The following GAS7 variants were observed in gnomAD, a reference collection of about 807,000 sequenced individuals.
GAS7 encodes growth arrest-specific protein 7.
GAS7 carries 28 observed loss-of-function variants against 71.1 expected under a neutral mutation model. The ratio of observed to expected loss-of-function variants is 0.39; its 90% CI spans 0.29 to 0.54. The LOEUF (loss-of-function observed/expected upper bound fraction) is 0.54. GAS7 is among the 20% of genes least tolerant of loss of function. The probability of loss-of-function intolerance (pLI) is 0.62; values close to 1 mark genes in which losing one functional copy is unlikely to be tolerated. For missense variants in GAS7, 436 were observed against 627.8 expected (o/e 0.69, Z 3.27); for synonymous variants, 258 against 245.8 (o/e 1.05, Z -0.46).
At chr17:9,936,951 C>T (rs2068422883) in intron 8 of GAS7, among the ~76,000 whole-genome samples, 1 of 152,238 alleles carries the variant, frequency 6.6e-6, no homozygotes, top group Non-Finnish European at 1.5e-5. Flanking sequence ...GCCTCTCCAG[C>T]CTCCCTGAGC....
intron 1 of GAS7, among the ~76,000 whole-genome samples, chr17:10,094,720 G>A (rs1597788374): frequency 6.6e-6 from 1 of 151,952 alleles, no homozygotes; most frequent in South Asian, 2.1e-4. Context: ...CGCCCGCCTC[G>A]GCCTCCCAAA....
rs2072190361 is a variant in GAS7 at position 10,019,796 on chromosome 17, A to G, written c.285T>C (p.Tyr95=). The change falls in exon 2 of 14, where the codon TAT becomes TAC. Residue 95 remains tyrosine (Y), a synonymous_variant. Coordinates refer to ENST00000432992, the MANE Select transcript of GAS7 (RefSeq NM_201433.2). The part of the protein sequence containing the change: ...SYLSPQGRRY[Y]VNTTTNETTW... ...ACTCACCATTGGTGGTCGTGTTGACATAGTACCGCCGGCCCTGAGGCGACA... is the reference window on the plus strand; with the variant it reads ...ACTCACCATTGGTGGTCGTGTTGACGTAGTACCGCCGGCCCTGAGGCGACA... 6.2e-7 allele frequency: 1 copy of G among 1,614,022 alleles called. No individual in the cohort carries two copies. Among genetic ancestry groups the G allele is most frequent in the Admixed American group, 1.7e-5 (1 of 60,010 alleles).
chr17:10,023,116 C>G (rs2072334619), intron 1 of GAS7, among the ~76,000 whole-genome samples: 6 of 152,234 alleles, frequency 3.9e-5, no homozygotes, highest in Admixed American at 3.9e-4. Flanking sequence ...CCGTGAAGGG[C>G]CATGAGATGC....
intron 5 of GAS7, among the ~76,000 whole-genome samples, chr17:9,949,316 G>C (rs1049749012): frequency 6.6e-6 from 1 of 152,240 alleles, no homozygotes; most frequent in Admixed American, 6.5e-5. Flanking sequence ...CTCGAGGGAA[G>C]CTGAAAATGG....
At chr17:9,986,550 G>A (rs901986091) in intron 2 of GAS7, among the ~76,000 whole-genome samples, 1 of 152,176 alleles carries the variant, frequency 6.6e-6, no homozygotes, top group Non-Finnish European at 1.5e-5. Context: ...TACCAGTACA[G>A]AGGCAATCAG....
chr17:10,105,495 T>C (rs1327024453), intron 1 of GAS7, among the ~76,000 whole-genome samples: 1 of 152,210 alleles, frequency 6.6e-6, no homozygotes, highest in Non-Finnish European at 1.5e-5. Context: ...CAGAAATTTC[T>C]ATTGGACTGT....
At chr17:10,164,848 G>GA (rs755151597) in intron 1 of GAS7, among the ~76,000 whole-genome samples, 14,514 of 106,010 alleles carry the variant, frequency 0.14, 1,022 homozygotes, top group Admixed American at 0.18. Flanking sequence ...ATGAAAAAAG[G>GA]AAAAAAAAAA....
chr17:10,057,405 C>T (rs1035654857), intron 1 of GAS7, among the ~76,000 whole-genome samples: 3 of 151,812 alleles, frequency 2.0e-5, no homozygotes, highest in East Asian at 1.9e-4. Flanking sequence ...TCTGCCCTGC[C>T]GCCCCGTCTG....
intron 1 of GAS7, among the ~76,000 whole-genome samples, chr17:10,064,364 T>C (rs1231021642): frequency 6.6e-6 from 1 of 152,188 alleles, no homozygotes; most frequent in African/African-American, 2.4e-5. Flanking sequence ...CTGTATGCTG[T>C]GTGGGCCTGC....
intron 1 of GAS7, among the ~76,000 whole-genome samples, chr17:10,173,447 G>C (rs931483008): frequency 1.3e-5 from 2 of 152,082 alleles, no homozygotes; most frequent in African/African-American, 4.8e-5. Flanking sequence ...CGAAATCAGG[G>C]ACCCGAGGAG....
rs1015039432 is a variant in GAS7, at chr17:9,974,656, G to C, written c.386-4894C>G. 6.6e-6 allele frequency among the ~76,000 whole-genome samples: 1 copy of C among 152,114 alleles called. No homozygotes were observed. The highest frequency in any genetic ancestry group is 1.5e-5 in the Non-Finnish European group (1 of 68,028). ...ACCCACACACTTCATTTCCCTTATA[G>C]GCAGTTAAGCAACTTGAGAGGGCTT... On this transcript the variant is annotated intron_variant, in intron 3 of 13. Transcript: ENST00000432992. The surrounding 1 kb of genome is among the most constrained non-coding windows in gnomAD (Gnocchi z 4.0).
intron 2 of GAS7, among the ~76,000 whole-genome samples, chr17:9,984,549 C>T (rs2070561210): frequency 6.6e-6 from 1 of 152,190 alleles, no homozygotes; most frequent in Admixed American, 6.5e-5. Flanking sequence ...CCAAGGGACC[C>T]ACTGGCTGGC....
intron 1 of GAS7, among the ~76,000 whole-genome samples, chr17:10,196,578 C>G (rs1237040945): frequency 2.0e-5 from 3 of 152,168 alleles, no homozygotes; most frequent in Non-Finnish European, 4.4e-5. Flanking sequence ...TCCATCGTCC[C>G]TTTCCCGGAA....
chr17:10,183,987 A>G (rs2074435149), intron 1 of GAS7, among the ~76,000 whole-genome samples: 1 of 152,090 alleles, frequency 6.6e-6, no homozygotes, highest in Non-Finnish European at 1.5e-5. Context: ...CGACCCTTGA[A>G]CGTTGTTGTC....
rs567668212 is a variant in GAS7 at position 10,059,915 on chromosome 17, C to T, written c.184-40018G>A. 1.0e-5 allele frequency: 6 copies of T among 592,872 alleles called. No homozygotes were observed. The Admixed American group carries it at 2.5e-4, about 25-fold the overall frequency. The allele number at this position is 592,872 out of a possible 1,614,324, so 36.7% of individuals were successfully genotyped here. A position where few individuals can be genotyped will look rare whatever the true frequency, so the allele number is the denominator to read the frequency against. On this transcript the variant is annotated intron_variant, in intron 1 of 13. Transcript: ENST00000432992. ...AAATGAAAGAGAAGTATTCTGCAAT[C>T]GGGAAAGCATGTCCACAGCCTTCCA...
chr17:10,095,394 C>G (rs894638829), intron 1 of GAS7, among the ~76,000 whole-genome samples: 1 of 152,132 alleles, frequency 6.6e-6, no homozygotes, highest in Non-Finnish European at 1.5e-5. Context: ...ACTGGGCCCT[C>G]GAACTCCTGG....
At chr17:10,005,213 G>GTGTATGTGCA in intron 2 of GAS7, among the ~76,000 whole-genome samples, 1 of 126,784 alleles carries the variant, frequency 7.9e-6, no homozygotes, top group African/African-American at 4.3e-5. Context: ...GTGTGCATGT[G>GTGTATGTGCA]CGCGTGTGCA....
intron 2 of GAS7, among the ~76,000 whole-genome samples, chr17:9,996,232 T>C (rs189168110): frequency 9.9e-4 from 151 of 152,306 alleles, no homozygotes; most frequent in African/African-American, 3.6e-3. Context: ...CATGGAATAC[T>C]ATGCAGCCAT....
At chr17:10,171,121 G>C (rs906277223) in intron 1 of GAS7, among the ~76,000 whole-genome samples, 1 of 152,184 alleles carries the variant, frequency 6.6e-6, no homozygotes, top group Non-Finnish European at 1.5e-5. Flanking sequence ...TCCATTCATG[G>C]AAAATCCTAA....
Sources: allele counts gnomAD v4.1 joint callset (sites outside exome capture counted in the v4.1 genomes callset), GRCh38; gene constraint gnomAD v4.1.1; non-coding constraint Gnocchi (gnomAD v3.1); transcripts MANE v1.5; gene names NCBI Gene and HGNC (gene_info 2026-07-23, HGNC 2026-07-21).